The following NEDD4L variants were observed in gnomAD, a reference collection of about 807,000 sequenced individuals.
NEDD4L encodes NEDD4 like E3 ubiquitin protein ligase.
In NEDD4L, 54 loss-of-function variants were observed where a neutral mutation model predicts 148.9. The ratio of observed to expected loss-of-function variants is 0.36; its 90% confidence interval spans 0.29 to 0.45. NEDD4L has a LOEUF of 0.45. Among genes scored for constraint, NEDD4L ranks in the 20% least tolerant of loss-of-function variants. NEDD4L has a pLI of 1.00. For missense variants in NEDD4L, 856 were observed against 1,233.8 expected (o/e 0.69, Z 4.59); for synonymous variants, 433 against 440.7 (o/e 0.98, Z 0.22).
chr18:58,311,414 T>C (rs1404117278), intron 5 of NEDD4L, among the ~76,000 whole-genome samples: 2 of 152,124 alleles, frequency 1.3e-5, no homozygotes, highest in Non-Finnish European at 2.9e-5. Flanking sequence ...CCGGCTGGAG[T>C]TTGGTGGCAC....
chr18:58,329,350 ATTATTT>A (rs899378581), intron 10 of NEDD4L, among the ~76,000 whole-genome samples: 1 of 152,074 alleles, frequency 6.6e-6, no homozygotes, highest in Admixed American at 6.6e-5. Flanking sequence ...TGGGAATAAC[ATTATTT>A]TTATTTTTAT....
At chr18:58,083,690 A>AAAC (rs1555685626) in intron 1 of NEDD4L, among the ~76,000 whole-genome samples, 4 of 151,494 alleles carry the variant, frequency 2.6e-5, no homozygotes, top group Admixed American at 6.6e-5. Context: ...TCCATCTCAA[A>AAAC]AAACAAAAAA....
chr18:58,263,783 G>T (rs943610817), intron 5 of NEDD4L, among the ~76,000 whole-genome samples: 1 of 151,670 alleles, frequency 6.6e-6, no homozygotes, highest in African/African-American at 2.4e-5. Flanking sequence ...AGAAAAGGTG[G>T]GGTGGAACCA....
intron 2 of NEDD4L, among the ~76,000 whole-genome samples, chr18:58,224,030 G>A (rs1448879200): frequency 6.6e-6 from 1 of 152,188 alleles, no homozygotes; most frequent in Non-Finnish European, 1.5e-5. Context: ...GGACTTGGGC[G>A]CTTCCTGCCA....
intron 10 of NEDD4L, 44 bp from the exon 11 acceptor site, chr18:58,330,694 C>G: frequency 7.3e-7 from 1 of 1,379,120 alleles, no homozygotes; most frequent in South Asian, 1.6e-5. Flanking sequence ...GGGTGGATCC[C>G]TACTTCTTTC....
chr18:58,051,641 A>G (rs894970542), intron 1 of NEDD4L, among the ~76,000 whole-genome samples: 2 of 152,236 alleles, frequency 1.3e-5, no homozygotes, highest in African/African-American at 4.8e-5. Context: ...TTGAATTTCC[A>G]GTCTTAGATG....
At chr18:58,160,165 T>C (rs1318158104) in intron 1 of NEDD4L, among the ~76,000 whole-genome samples, 1 of 152,248 alleles carries the variant, frequency 6.6e-6, no homozygotes, top group Non-Finnish European at 1.5e-5. Flanking sequence ...ATTATGTATT[T>C]TATAGACTTT....
chr18:58,154,077 T>TA (rs1416581299), intron 1 of NEDD4L, among the ~76,000 whole-genome samples: 6 of 152,300 alleles, frequency 3.9e-5, no homozygotes, highest in Admixed American at 1.3e-4. Context: ...GGTTGATCGA[T>TA]AAAAAATGAA....
At chr18:58,248,825 T>A in intron 3 of NEDD4L, 74 bp from the exon 4 acceptor site, 1 of 756,240 alleles carries the variant, frequency 1.3e-6, no homozygotes, top group Admixed American at 2.4e-5. Context: ...TAAGCAAATA[T>A]GTAGACTGTA....
At chr18:58,125,806 C>G (rs2145881045) in intron 1 of NEDD4L, among the ~76,000 whole-genome samples, 1 of 152,348 alleles carries the variant, frequency 6.6e-6, no homozygotes, top group East Asian at 1.9e-4. Context: ...AAAGATTAAT[C>G]AAGTATTTAA....
intron 2 of NEDD4L, among the ~76,000 whole-genome samples, chr18:58,203,076 T>C (rs1174615472): frequency 1.3e-5 from 2 of 152,104 alleles, no homozygotes; most frequent in African/African-American, 4.8e-5. Flanking sequence ...CAAGTGATCC[T>C]CCCACCTTAA....
chr18:58,110,227 T>C (rs2085336248), intron 1 of NEDD4L, among the ~76,000 whole-genome samples: 1 of 152,212 alleles, frequency 6.6e-6, no homozygotes, highest in Non-Finnish European at 1.5e-5. Flanking sequence ...GTACTGTCCT[T>C]CTTCCCCAAA....
intron 1 of NEDD4L, among the ~76,000 whole-genome samples, chr18:58,048,376 G>A (rs544039733): frequency 1.1e-3 from 163 of 152,200 alleles, no homozygotes; most frequent in Non-Finnish European, 1.9e-3. Flanking sequence ...CGCCATGAGA[G>A]CAAAGTGCTA....
In NEDD4L at chr18:58,086,064, T is replaced by C. The variant is rs1041173078; in HGVS notation, c.48+41356T>C. Among the ~76,000 whole-genome samples the C allele has an allele frequency of 2.0e-5, 3 of 152,238 alleles. No homozygotes were observed. In the South Asian group the frequency reaches 6.2e-4, roughly 32 times the overall value. ...TTTGGGTAGATTTTGCTTATAGATA[T>C]TGAAGTTTGAGTTGTTGAATTTCAT... On this transcript the variant is annotated intron_variant, in intron 1 of 30. Transcript: ENST00000400345.
chr18:58,310,318 C>G (rs1359823616), intron 5 of NEDD4L, among the ~76,000 whole-genome samples: 1 of 152,138 alleles, frequency 6.6e-6, no homozygotes, highest in East Asian at 1.9e-4. Flanking sequence ...AGATTTTGTC[C>G]CTTACTTCTT....
chr18:58,090,537 G>A (rs28484910), intron 1 of NEDD4L, among the ~76,000 whole-genome samples: 2,639 of 152,270 alleles, frequency 0.017, 63 homozygotes, highest in African/African-American at 0.056. Flanking sequence ...GGAATGCAGC[G>A]GTGCGATCTT....
chr18:58,325,203 T>C (rs1426461222), intron 9 of NEDD4L, 41 bp downstream of exon 9: 3 of 1,606,534 alleles, frequency 1.9e-6, no homozygotes, highest in African/African-American at 1.3e-5. Context: ...GCACGTGCAC[T>C]GCACAGCTAG....
chr18:58,367,642 G>T, intron 21 of NEDD4L, 104 bp from the exon 22 acceptor site: 1 of 1,247,570 alleles, frequency 8.0e-7, no homozygotes, highest in Non-Finnish European at 1.2e-6. Flanking sequence ...GGTACAGAAT[G>T]CTCGCAGGGA....
chr18:58,190,632 A>C (rs1452863887), intron 2 of NEDD4L, among the ~76,000 whole-genome samples: 2 of 152,192 alleles, frequency 1.3e-5, no homozygotes, highest in Admixed American at 1.3e-4. Flanking sequence ...GTATATGTGT[A>C]AGTGTGTCTG....
Sources: allele counts gnomAD v4.1 joint callset (sites outside exome capture counted in the v4.1 genomes callset), GRCh38; gene constraint gnomAD v4.1.1; transcripts MANE v1.5; gene names NCBI Gene and HGNC (gene_info 2026-07-23, HGNC 2026-07-21).